Variants in ZNF423 observed in about 807,000 individuals in gnomAD.
ZNF423 encodes the protein zinc finger protein 423.
Under a neutral mutation model 95.8 loss-of-function variants are expected in ZNF423, and 12 were observed. That is an observed-to-expected ratio of 0.13 (90% CI 0.08 to 0.20). The LOEUF (loss-of-function observed/expected upper bound fraction) is 0.20. ZNF423 is among the 10% of genes least tolerant of loss of function. ZNF423 has a pLI of 1.00. For synonymous variants in ZNF423, 749 were observed against 711.9 expected, an observed-to-expected ratio of 1.05 and a Z score of -0.83; for missense variants, 1,316 against 1,737.1, an observed-to-expected ratio of 0.76 and a Z score of 4.31.
intron 3 of ZNF423, among the ~76,000 whole-genome samples, chr16:49,727,575 C>T (rs2033057071): frequency 1.3e-5 from 2 of 152,194 alleles, no homozygotes; most frequent in Non-Finnish European, 2.9e-5. Context: ...AAATACACCC[C>T]CGACACCCCA....
intron 7 of ZNF423, chr16:49,518,219 A>G: frequency 2.6e-6 from 1 of 381,092 alleles, no homozygotes; most frequent in South Asian, 2.0e-5. Context: ...TAGCTTCTGC[A>G]TAGGTCCCCC....
chr16:49,839,410 G>T (rs953144772), intron 1 of ZNF423, among the ~76,000 whole-genome samples: 2 of 152,100 alleles, frequency 1.3e-5, no homozygotes, highest in Non-Finnish European at 2.9e-5. Context: ...GTCAGATGGG[G>T]GTGGGAACGT....
intron 1 of ZNF423, among the ~76,000 whole-genome samples, chr16:49,806,855 C>T (rs371086460): frequency 1.3e-5 from 2 of 151,780 alleles, no homozygotes; most frequent in East Asian, 3.9e-4. Context: ...GGTGAAACCC[C>T]GTCTCTACTA....
At chr16:49,501,114 G>C (rs1967381145) in intron 7 of ZNF423, among the ~76,000 whole-genome samples, 1 of 152,182 alleles carries the variant, frequency 6.6e-6, no homozygotes, top group South Asian at 2.1e-4. Flanking sequence ...TGTCTGCAGT[G>C]GGGAGGATTC....
chr16:49,644,715 G>A (rs1226012989), intron 3 of ZNF423, among the ~76,000 whole-genome samples: 2 of 135,364 alleles, frequency 1.5e-5, no homozygotes, highest in Non-Finnish European at 3.1e-5. Context: ...CCTACAGAGG[G>A]AACAAGAGCT....
intron 5 of ZNF423, among the ~76,000 whole-genome samples, chr16:49,614,220 G>T (rs1449791442): frequency 1.3e-5 from 2 of 152,184 alleles, no homozygotes; most frequent in African/African-American, 2.4e-5. Context: ...TAGCCATTAA[G>T]GAAATGCAAA....
rs189165264 is a variant in ZNF423, at chr16:49,635,809, G to A, written c.3367C>T (p.Arg1123Trp). ...GGGCAACGGAGGCCGGCACAGGGCC[G>A]GTCGGCGGGCTCGGGCGGGGCCAGG... ...GGLAPPEPAD[R>W]PCAGLRCPEC... The change falls in exon 4 of 8, where the codon CGG (arginine) becomes TGG (tryptophan). Residue 1123 changes from arginine to tryptophan, a missense_variant. Coordinates refer to ENST00000563137, the MANE Select transcript of ZNF423 (RefSeq NM_001379286.1). This position sits in a 1 kb window ranked among gnomAD's most constrained non-coding sequence, Gnocchi z 4.8. The A allele has an allele frequency of 1.6e-5, 26 of 1,610,792 alleles. No individual in the cohort carries two copies. Among genetic ancestry groups the A allele is most frequent in the Admixed American group, 8.4e-5 (5 of 59,592 alleles).
chr16:49,629,239 CT>C (rs1356476689), intron 4 of ZNF423, among the ~76,000 whole-genome samples: 7 of 152,308 alleles, frequency 4.6e-5, no homozygotes, highest in African/African-American at 1.7e-4. Flanking sequence ...AGTCCAGGCC[CT>C]GTAGATAGCT....
At chr16:49,588,820 C>A (rs757668042) in intron 5 of ZNF423, among the ~76,000 whole-genome samples, 2 of 152,246 alleles carry the variant, frequency 1.3e-5, no homozygotes, top group Non-Finnish European at 2.9e-5. Flanking sequence ...GCTACCACTA[C>A]GCCACCAGTG....
chr16:49,763,462 A>G (rs942509210), intron 2 of ZNF423, among the ~76,000 whole-genome samples: 1 of 152,048 alleles, frequency 6.6e-6, no homozygotes, highest in Non-Finnish European at 1.5e-5. Flanking sequence ...TTTTCTAGAC[A>G]TGGGGTTTTG....
intron 4 of ZNF423, among the ~76,000 whole-genome samples, chr16:49,629,754 A>G (rs1383680126): frequency 6.6e-6 from 1 of 152,262 alleles, no homozygotes; most frequent in Non-Finnish European, 1.5e-5. Context: ...CTGAACACAT[A>G]AAGTTGCAGA....
chr16:49,622,800 G>A (rs1972128526), intron 5 of ZNF423, among the ~76,000 whole-genome samples: 1 of 152,218 alleles, frequency 6.6e-6, no homozygotes, highest in African/African-American at 2.4e-5. Flanking sequence ...TGTCAGATGG[G>A]GAACTAGTGC....
chr16:49,545,191 A>C (rs1162875585), intron 5 of ZNF423, among the ~76,000 whole-genome samples: 1 of 152,222 alleles, frequency 6.6e-6, no homozygotes, highest in Non-Finnish European at 1.5e-5. Flanking sequence ...CCATGTGAGT[A>C]AGCTGGATGG....
At chr16:49,685,084 T>A (rs2031513079) in intron 3 of ZNF423, among the ~76,000 whole-genome samples, 1 of 152,028 alleles carries the variant, frequency 6.6e-6, no homozygotes. Context: ...TCTGGGGCCA[T>A]AACAAGCGGG....
intron 1 of ZNF423, 146 bp from the exon 2 acceptor site, chr16:49,789,692 A>T (rs2034380495): frequency 1.5e-6 from 1 of 683,254 alleles, no homozygotes; most frequent in Non-Finnish European, 2.3e-6. Flanking sequence ...GCCTACAAAG[A>T]GGCCTTTATT....
At chr16:49,724,683 C>T (rs6500244) in intron 3 of ZNF423, among the ~76,000 whole-genome samples, 24,974 of 152,180 alleles carry the variant, frequency 0.16, 3,230 homozygotes, top group African/African-American at 0.33. Context: ...GTAATTGGGG[C>T]CCACAGGTCA....
At chr16:49,790,640 T>C (rs1209784251) in intron 1 of ZNF423, among the ~76,000 whole-genome samples, 1 of 152,238 alleles carries the variant, frequency 6.6e-6, no homozygotes, top group African/African-American at 2.4e-5. Context: ...GGCAGCCACC[T>C]TGCGAGTGGA....
chr16:49,541,882 G>A (rs781103694), intron 5 of ZNF423, among the ~76,000 whole-genome samples: 17 of 152,160 alleles, frequency 1.1e-4, no homozygotes, highest in Non-Finnish European at 2.2e-4. Context: ...GTTTCCTGAG[G>A]CCTCCCCAGC....
intron 3 of ZNF423, among the ~76,000 whole-genome samples, chr16:49,642,616 G>A (rs1596776424): frequency 6.6e-6 from 1 of 152,120 alleles, no homozygotes; most frequent in Admixed American, 6.5e-5. Context: ...AACTCAGATT[G>A]CCCTGTTTAA....
Sources: allele counts gnomAD v4.1 joint callset (sites outside exome capture counted in the v4.1 genomes callset), GRCh38; gene constraint gnomAD v4.1.1; non-coding constraint Gnocchi (gnomAD v3.1); transcripts MANE v1.5; gene names NCBI Gene and HGNC (gene_info 2026-07-23, HGNC 2026-07-21).